Variants in RIPOR3 observed in about 807,000 individuals in gnomAD.
RIPOR3 encodes RIPOR family member 3, also known as family with sequence similarity 65 member C.
Under a neutral mutation model 114.3 loss-of-function variants are expected in RIPOR3, and 95 were observed. The ratio of observed to expected loss-of-function variants is 0.83; its 90% CI spans 0.70 to 0.99. The LOEUF (loss-of-function observed/expected upper bound fraction) is 0.99. Ranked by LOEUF, RIPOR3 falls within the 50% of genes least tolerant of loss-of-function variation. The pLI is 0.00. For missense variants in RIPOR3, 1,252 were observed against 1,266.9 expected (o/e 0.99, Z 0.18); for synonymous variants, 575 against 543.8 (o/e 1.06, Z -0.80).
chr20:50,686,271 T>C (rs1356394431), intron 1 of RIPOR3, among the ~76,000 whole-genome samples: 1 of 151,866 alleles, frequency 6.6e-6, no homozygotes, highest in East Asian at 2.0e-4. Flanking sequence ...TTAGCCAGGA[T>C]GGTCTCGATC....
intron 13 of RIPOR3, 117 bp downstream of exon 13, chr20:50,601,955 G>A (rs2083509450): frequency 9.8e-7 from 1 of 1,020,490 alleles, no homozygotes; most frequent in East Asian, 2.7e-5. Flanking sequence ...GCCCACCCAG[G>A]TCACGCAGAG....
At chr20:50,647,301 C>T (rs1466325606) in intron 1 of RIPOR3, among the ~76,000 whole-genome samples, 1 of 151,880 alleles carries the variant, frequency 6.6e-6, no homozygotes, top group Non-Finnish European at 1.5e-5. Context: ...GCCTAGGCGA[C>T]AAGAGCGAAA....
At position 50,609,335 on chromosome 20, in the gene RIPOR3, C is replaced by G; in HGVS notation, c.598G>C (p.Ala200Pro). The change falls in exon 8 of 22, where the codon GCC (alanine) becomes CCC (proline). Residue 200 changes from alanine to proline, a missense_variant. Transcript: ENST00000327979. Reference sequence around the variant, plus strand: ...AACTCGCCCAGGTGAACCTCCAGGGCCCCCTCGATGAGCCACATGTCCTGC... The same window carrying G: ...AACTCGCCCAGGTGAACCTCCAGGGGCCCCTCGATGAGCCACATGTCCTGC... ...CAEDMWLIEG[A>P]LEVHLGEFHI... 6.2e-7 allele frequency: 1 copy of G among 1,613,850 alleles called. No homozygotes were observed. Among genetic ancestry groups the G allele is most frequent in the Non-Finnish European group, 8.5e-7 (1 of 1,179,804 alleles).
intron 4 of RIPOR3, among the ~76,000 whole-genome samples, chr20:50,613,732 G>T (rs897235926): frequency 6.6e-6 from 1 of 152,154 alleles, no homozygotes; most frequent in Admixed American, 6.6e-5. Context: ...CTTCTAGAAT[G>T]GAAAGAATGG....
At chr20:50,621,936 G>T (rs368265344) in intron 2 of RIPOR3, among the ~76,000 whole-genome samples, 1 of 152,084 alleles carries the variant, frequency 6.6e-6, no homozygotes, top group Non-Finnish European at 1.5e-5. Flanking sequence ...GGAGTACGAG[G>T]CCAGGGCACC....
In RIPOR3 at chr20:50,658,835, T is replaced by C. The variant is rs74687580; in HGVS notation, c.4-27979A>G. Among the ~76,000 whole-genome samples, 57 of 152,238 alleles carry C rather than the reference T, an allele frequency of 3.7e-4. No individual in the cohort carries two copies. In the East Asian group the frequency reaches 0.01, roughly 27 times the overall value. ...AACACGTTCCTAGAGTCACATAGCT[T>C]ATAAATGGTGAAGACAGGTTTAGAT... On this transcript the variant is annotated intron_variant, in intron 1 of 21. Coordinates refer to ENST00000327979, the MANE Select transcript of RIPOR3 (RefSeq NM_001290268.2).
chr20:50,619,639 C>T (rs571283015), intron 3 of RIPOR3, among the ~76,000 whole-genome samples: 39 of 152,300 alleles, frequency 2.6e-4, no homozygotes, highest in African/African-American at 9.1e-4. Flanking sequence ...CCGAGGCCCT[C>T]GACGCACTGT....
chr20:50,686,974 C>T (rs2087049991), intron 1 of RIPOR3, among the ~76,000 whole-genome samples: 1 of 152,168 alleles, frequency 6.6e-6, no homozygotes, highest in Non-Finnish European at 1.5e-5. Context: ...AAAGGGCCCA[C>T]CTGGCTCCTA....
In RIPOR3 at chr20:50,609,631, C is replaced by A; in HGVS notation, c.518G>T (p.Ser173Ile). 7.1e-7 allele frequency: 1 copy of A among 1,403,522 alleles called. No individual in the cohort carries two copies. The allele number at this position is 1,403,522 out of a possible 1,614,324, so 86.9% of individuals were successfully genotyped here. ...MQRAFARCPP[S>I]RAARESLQEL... ...CTGCAGGCTCTCTCGGGCTGCGCGGCTCGGGGGGCACCGGGCGAAGGCCCG... is the reference window on the plus strand; with the variant it reads ...CTGCAGGCTCTCTCGGGCTGCGCGGATCGGGGGGCACCGGGCGAAGGCCCG... Residue 173 changes from serine to isoleucine, a missense_variant, in exon 7 of 22, where the codon AGC becomes ATC. Ser to Ile is a moderately radical substitution (Grantham distance 142). Coordinates refer to ENST00000327979, the MANE Select transcript of RIPOR3 (RefSeq NM_001290268.2).
intron 1 of RIPOR3, 146 bp downstream of exon 1, chr20:50,690,980 C>T (rs2087192632): frequency 9.5e-7 from 1 of 1,054,642 alleles, no homozygotes; most frequent in South Asian, 1.4e-5. Context: ...CCATCTCAGC[C>T]TCAACCCAGG....
At position 50,602,032 on chromosome 20, in the gene RIPOR3, C is replaced by T; in HGVS notation, c.1659+40G>A. 6.9e-7 allele frequency: 1 copy of T among 1,443,944 alleles called. No homozygotes were observed. The allele number at this position is 1,443,944 out of a possible 1,614,324, so 89.4% of individuals were successfully genotyped here. A position where few individuals can be genotyped will look rare whatever the true frequency, so the allele number is the denominator to read the frequency against. Reference sequence around the variant, plus strand: ...CCCCGACTCCCAGTCATCATGCCATCAGCAAAGCAGGGCCACCGCCCGGGG... The same window carrying T: ...CCCCGACTCCCAGTCATCATGCCATTAGCAAAGCAGGGCCACCGCCCGGGG... On this transcript the variant is annotated intron_variant, in intron 13 of 21. Coordinates refer to ENST00000327979, the MANE Select transcript of RIPOR3 (RefSeq NM_001290268.2). The surrounding 1 kb of genome is among the most constrained non-coding windows in gnomAD (Gnocchi z 4.3).
At chr20:50,637,797 C>T (rs778333030) in intron 1 of RIPOR3, among the ~76,000 whole-genome samples, 5 of 152,106 alleles carry the variant, frequency 3.3e-5, no homozygotes, top group Non-Finnish European at 7.4e-5. Flanking sequence ...ATTGCTTGAA[C>T]CCAGGAAGCG....
intron 1 of RIPOR3, among the ~76,000 whole-genome samples, chr20:50,666,139 A>C (rs139558096): frequency 8.2e-6 from 1 of 121,798 alleles, no homozygotes; most frequent in East Asian, 2.8e-4. Flanking sequence ...TTTTTCTTCA[A>C]TTCAGCCAAG....
chr20:50,691,067 A>G, intron 1 of RIPOR3, 59 bp downstream of exon 1: 1 of 1,289,454 alleles, frequency 7.8e-7, no homozygotes, highest in Non-Finnish European at 1.0e-6. Context: ...CAGCTCCAGA[A>G]GTCTGTCCAC....
intron 1 of RIPOR3, among the ~76,000 whole-genome samples, chr20:50,658,092 G>A (rs1226715729): frequency 6.6e-6 from 1 of 152,054 alleles, no homozygotes; most frequent in Non-Finnish European, 1.5e-5. Flanking sequence ...TCAAACTTCT[G>A]GGTATGTACC....
chr20:50,590,660 T>C (rs533705544), intron 19 of RIPOR3, among the ~76,000 whole-genome samples: 1 of 152,278 alleles, frequency 6.6e-6, no homozygotes, highest in Non-Finnish European at 1.5e-5. Context: ...TGTGGAAATG[T>C]CACACTGCCC....
intron 1 of RIPOR3, among the ~76,000 whole-genome samples, chr20:50,670,394 T>C (rs2086431786): frequency 1.6e-5 from 1 of 64,398 alleles, no homozygotes; most frequent in South Asian, 5.3e-4. Context: ...CAGTGCCAGC[T>C]TAGAGAAAAG....
chr20:50,614,279 A>C (rs958404383), intron 4 of RIPOR3, among the ~76,000 whole-genome samples: 14 of 151,974 alleles, frequency 9.2e-5, no homozygotes, highest in Non-Finnish European at 1.0e-4. Flanking sequence ...CGAGTGATCC[A>C]CCCGCCTTGG....
At chr20:50,624,742 G>C (rs6020642) in intron 2 of RIPOR3, among the ~76,000 whole-genome samples, 1,736 of 152,260 alleles carry the variant, frequency 0.011, 38 homozygotes, top group African/African-American at 0.04. Context: ...GCTTCCAGAC[G>C]GGCACGTGCA....
Sources: gnomAD v4.1 joint callset for allele counts (sites outside exome capture counted in the v4.1 genomes callset) on GRCh38, gnomAD v4.1.1 for gene constraint, Gnocchi (gnomAD v3.1) non-coding constraint, MANE v1.5 for transcripts, NCBI Gene and HGNC (gene_info 2026-07-23, HGNC 2026-07-21) for gene names.